Variants in ITGA9 observed in about 807,000 individuals in gnomAD.
The protein encoded by ITGA9 is integrin subunit alpha 9.
In ITGA9, 56 loss-of-function variants were observed where a neutral mutation model predicts 127.8. That is an observed-to-expected ratio of 0.44 (90% CI 0.35 to 0.55). ITGA9 has a LOEUF of 0.55. ITGA9 is among the 20% of genes least tolerant of loss of function. The pLI is 0.00. For missense variants in ITGA9, 1,196 were observed against 1,347.1 expected (o/e 0.89, Z 1.76); for synonymous variants, 508 against 514.5 (o/e 0.99, Z 0.17).
intron 22 of ITGA9, chr3:37,749,558 C>T (rs1696554647): frequency 6.6e-6 from 1 of 152,274 alleles, no homozygotes; most frequent in Non-Finnish European, 1.5e-5. Flanking sequence ...TCTGCATATT[C>T]TGTTTCTTCC....
At chr3:37,494,398 G>T (rs376598971) in intron 4 of ITGA9, 103 bp from the exon 5 acceptor site, 2 of 811,854 alleles carry the variant, frequency 2.5e-6, no homozygotes, top group African/African-American at 1.7e-5. Flanking sequence ...CCAGCCTGCC[G>T]CGGCACTCGT....
chr3:37,605,121 C>T (rs1699956162), intron 15 of ITGA9, among the ~76,000 whole-genome samples: 1 of 152,198 alleles, frequency 6.6e-6, no homozygotes, highest in South Asian at 2.1e-4. Flanking sequence ...GTCAGTACTG[C>T]TAAGTGTTGG....
In ITGA9 at chr3:37,814,956, C is replaced by T. The variant is rs145635081; in HGVS notation, c.3010-3935C>T. Among the ~76,000 whole-genome samples the T allele has an allele frequency of 1.1e-4, 16 of 152,246 alleles. No individual in the cohort carries two copies. In the East Asian group the frequency reaches 2.9e-3, roughly 28 times the overall value. ...CTCTGATCTCCCATCCAAGAGATTA[C>T]GCATAGGCTGTGTTAGGAACAGGAC... On this transcript the variant is annotated intron_variant, in intron 27 of 27. Coordinates refer to ENST00000264741, the MANE Select transcript of ITGA9 (RefSeq NM_002207.3). The surrounding 1 kb of genome is among the most constrained non-coding windows in gnomAD (Gnocchi z 4.3).
intron 18 of ITGA9, among the ~76,000 whole-genome samples, chr3:37,721,114 CTTTTTTTTTTTTTTT>C (rs35254377): frequency 1.1e-5 from 1 of 93,256 alleles, no homozygotes; most frequent in African/African-American, 4.8e-5. Flanking sequence ...CTTTTCTTGC[CTTTTTTTTTTTTTTT>C]TTTTTTTTTT....
In ITGA9 at chr3:37,452,700, C is replaced by G. The variant is rs540980855; in HGVS notation, c.185+141C>G. On this transcript the variant is annotated intron_variant, in intron 1 of 27. Transcript: ENST00000264741. The surrounding 1 kb of genome is among the most constrained non-coding windows in gnomAD (Gnocchi z 7.3). ...TTAAATGTCTCCGTTGCGCGCGGCT[C>G]GGCCGCCGGGGGACGGCGGGAGAAG... The G allele has an allele frequency of 1.3e-6, 1 of 750,366 alleles. No homozygotes were observed. The highest frequency in any genetic ancestry group is 1.9e-6 in the Non-Finnish European group (1 of 527,388). The allele number at this position is 750,366 out of a possible 1,614,324, so 46.5% of individuals were successfully genotyped here. A position where few individuals can be genotyped will look rare whatever the true frequency, so the allele number is the denominator to read the frequency against.
At chr3:37,732,043 T>C (rs1043586715) in intron 18 of ITGA9, among the ~76,000 whole-genome samples, 1 of 152,114 alleles carries the variant, frequency 6.6e-6, no homozygotes, top group African/African-American at 2.4e-5. Flanking sequence ...AGCCCTGTGG[T>C]TTGTGAAGAG....
rs185221510 is a variant in ITGA9 at position 37,709,246 on chromosome 3, G to A, written c.2068-23466G>A. 2.6e-3 allele frequency among the ~76,000 whole-genome samples: 390 copies of A among 152,212 alleles called. 2 individuals are homozygous for A. In the Middle Eastern group the frequency reaches 0.031, roughly 12 times the overall value. On this transcript the variant is annotated intron_variant, in intron 18 of 27. Coordinates refer to ENST00000264741, the MANE Select transcript of ITGA9 (RefSeq NM_002207.3). ...CTAATTCTTCTTTCCCTGATACAGT[G>A]CCCACCATAAATCCCCAGTCATGGT...
intron 5 of ITGA9, among the ~76,000 whole-genome samples, chr3:37,501,118 T>G (rs1698783234): frequency 6.6e-6 from 1 of 152,154 alleles, no homozygotes; most frequent in African/African-American, 2.4e-5. Context: ...TAAACATTGT[T>G]GAGTGAAAAA....
At chr3:37,644,207 C>T (rs1700356784) in intron 16 of ITGA9, among the ~76,000 whole-genome samples, 1 of 152,178 alleles carries the variant, frequency 6.6e-6, no homozygotes, top group Non-Finnish European at 1.5e-5. Flanking sequence ...GGCTGGGAGT[C>T]CCATGGGGCC....
At chr3:37,501,221 T>C (rs1418861473) in intron 5 of ITGA9, among the ~76,000 whole-genome samples, 1 of 152,146 alleles carries the variant, frequency 6.6e-6, no homozygotes, top group South Asian at 2.1e-4. Context: ...AGGGATTCCC[T>C]GTTGGGGAAA....
At chr3:37,749,736 C>T (rs946613244) in intron 22 of ITGA9, 2 of 152,354 alleles carry the variant, frequency 1.3e-5, no homozygotes, top group Non-Finnish European at 2.9e-5. Context: ...AATGCTGAGA[C>T]AGAAGAGGGG....
intron 27 of ITGA9, among the ~76,000 whole-genome samples, chr3:37,813,094 A>G (rs1396346461): frequency 6.6e-6 from 1 of 152,216 alleles, no homozygotes; most frequent in African/African-American, 2.4e-5. Context: ...CCTGGCAGTA[A>G]TGGAATAGGT....
intron 15 of ITGA9, among the ~76,000 whole-genome samples, chr3:37,628,007 T>C (rs1397663676): frequency 6.6e-6 from 1 of 152,116 alleles, no homozygotes; most frequent in Non-Finnish European, 1.5e-5. Context: ...TCCTGGGGCC[T>C]TTAGAACCTC....
intron 25 of ITGA9, among the ~76,000 whole-genome samples, chr3:37,783,624 A>G (rs541371937): frequency 1.3e-5 from 2 of 152,300 alleles, no homozygotes; most frequent in Non-Finnish European, 2.9e-5. Flanking sequence ...GGCCTTAACC[A>G]TCGTGCCTGG....
chr3:37,653,241 A>G (rs1186043334), intron 16 of ITGA9, among the ~76,000 whole-genome samples: 1 of 152,178 alleles, frequency 6.6e-6, no homozygotes, highest in Non-Finnish European at 1.5e-5. Context: ...TGACAATTCA[A>G]TACAGTCCCA....
At chr3:37,474,069 T>G (rs1355484526) in intron 3 of ITGA9, among the ~76,000 whole-genome samples, 1 of 152,266 alleles carries the variant, frequency 6.6e-6, no homozygotes, top group Non-Finnish European at 1.5e-5. Flanking sequence ...CCTGTTTATC[T>G]CTACATAATA....
In ITGA9 at chr3:37,471,260, C is replaced by G. The variant is rs73826554; in HGVS notation, c.313+126C>G. On this transcript the variant is annotated intron_variant, in intron 2 of 27. Coordinates refer to ENST00000264741, the MANE Select transcript of ITGA9 (RefSeq NM_002207.3). The stretch of plus-strand genomic sequence containing the variant: ...CTTCCCTCCTTCCCTCCCTCCTTCT[C>G]TCCAACAAGCATGTATTGAGTACGT... 5,745 of 1,077,718 alleles carry G rather than the reference C, an allele frequency of 5.3e-3. 193 individuals carry two copies. The African/African-American group carries it at 0.074, about 14-fold the overall frequency. The allele number at this position is 1,077,718 out of a possible 1,614,324, so 66.8% of individuals were successfully genotyped here.
At position 37,792,377 on chromosome 3, in the gene ITGA9, C is replaced by G. The variant is rs944497344; in HGVS notation, c.2889+7299C>G. On this transcript the variant is annotated intron_variant, in intron 26 of 27. Coordinates refer to ENST00000264741, the MANE Select transcript of ITGA9 (RefSeq NM_002207.3). ...AGGACGCAAACAAGAATTCTATTTC[C>G]AGTTGAGGTTAGTCCCCAGGGAGTA... 2.6e-5 allele frequency among the ~76,000 whole-genome samples: 4 copies of G among 152,182 alleles called. No individual in the cohort carries two copies. In the South Asian group the frequency reaches 8.3e-4, roughly 31 times the overall value.
chr3:37,762,964 G>T (rs1696739825), intron 23 of ITGA9, among the ~76,000 whole-genome samples: 2 of 152,176 alleles, frequency 1.3e-5, no homozygotes, highest in Admixed American at 1.3e-4. Context: ...TTAAATCTCT[G>T]CTCTCCCATT....
Sources: allele counts gnomAD v4.1 joint callset (sites outside exome capture counted in the v4.1 genomes callset), GRCh38; gene constraint gnomAD v4.1.1; non-coding constraint Gnocchi (gnomAD v3.1); transcripts MANE v1.5; gene names NCBI Gene and HGNC (gene_info 2026-07-23, HGNC 2026-07-21).